The following AGAP1 variants were observed in gnomAD, a reference collection of about 807,000 sequenced individuals.
The protein encoded by AGAP1 is arf-GAP with GTPase, ANK repeat and PH domain-containing protein 1.
A neutral mutation model predicts 105.3 loss-of-function variants in AGAP1; 29 were observed. That is an observed-to-expected ratio of 0.28 (90% confidence interval 0.21 to 0.38). The LOEUF (loss-of-function observed/expected upper bound fraction) is 0.38, where lower values mean the gene tolerates loss of function less well. Ranked by LOEUF, AGAP1 falls within the 10% of genes least tolerant of loss-of-function variation. AGAP1 has a pLI of 1.00. For missense variants in AGAP1, 998 were observed against 1,165.1 expected (o/e 0.86, Z 2.09); for synonymous variants, 509 against 485.9 (o/e 1.05, Z -0.63).
chr2:235,928,447 C>G (rs925013820), intron 11 of AGAP1, among the ~76,000 whole-genome samples: 2 of 152,182 alleles, frequency 1.3e-5, no homozygotes, highest in African/African-American at 4.8e-5. Context: ...GACAACTGCT[C>G]GGGGAACGAG....
rs1222939393 is a variant in AGAP1 at position 235,959,312 on chromosome 2, A to G, written c.1484-9150A>G. Among the ~76,000 whole-genome samples, 1 of 152,168 alleles carries G rather than the reference A, an allele frequency of 6.6e-6. No individual in the cohort carries two copies. The highest frequency in any genetic ancestry group is 2.4e-5 in the African/African-American group (1 of 41,442). ...AGGCGGGGCTTTCGGGGCCTCTTCA[A>G]TTTGAGGAATACCTTGTCAGGCGAG... On this transcript the variant is annotated intron_variant, in intron 12 of 17. Coordinates refer to ENST00000304032, the MANE Select transcript of AGAP1 (RefSeq NM_001037131.3). The surrounding 1 kb of genome is among the most constrained non-coding windows in gnomAD (Gnocchi z 7.3).
At chr2:235,626,333 G>T (rs1946636033) in intron 1 of AGAP1, among the ~76,000 whole-genome samples, 1 of 152,190 alleles carries the variant, frequency 6.6e-6, no homozygotes, top group Admixed American at 6.5e-5. Context: ...ACTCCAGCCT[G>T]GGCGACAGAG....
At chr2:236,098,885 A>AGT (rs112407319) in intron 16 of AGAP1, among the ~76,000 whole-genome samples, 3,051 of 151,804 alleles carry the variant, frequency 0.02, 102 homozygotes, top group African/African-American at 0.069. Flanking sequence ...AGCCTCCCCA[A>AGT]GTGCTGGGAT....
rs2060001147 is a variant in AGAP1, at chr2:236,126,144, A to C, written c.*2022A>C. ...ATCTTAACGAAGCTAAGTGGAGCTC[A>C]CTCGTATCCAAAAGTATAACAGGTG... is the stretch of plus-strand genomic sequence containing the variant. On this transcript the variant is annotated 3_prime_UTR_variant, in exon 18 of 18. Coordinates refer to ENST00000304032, the MANE Select transcript of AGAP1 (RefSeq NM_001037131.3). 6.6e-6 allele frequency: 1 copy of C among 152,162 alleles called. No individual in the cohort carries two copies. Among genetic ancestry groups the C allele is most frequent in the African/African-American group, 2.4e-5 (1 of 41,444 alleles). 9.4% of individuals were successfully genotyped at this position (152,162 alleles called of 1,614,324 possible). A position where few individuals can be genotyped will look rare whatever the true frequency, so the allele number is the denominator to read the frequency against.
chr2:235,640,027 T>G (rs1409038886), intron 1 of AGAP1, among the ~76,000 whole-genome samples: 1 of 152,252 alleles, frequency 6.6e-6, no homozygotes, highest in Middle Eastern at 3.2e-3. Flanking sequence ...TAGCAGTCTT[T>G]AGGGCAACCT....
chr2:235,972,679 A>T (rs1464835951), intron 13 of AGAP1, among the ~76,000 whole-genome samples: 1 of 152,156 alleles, frequency 6.6e-6, no homozygotes. Flanking sequence ...CAGAGGCCAA[A>T]AGCCCTGAGA....
At position 235,747,438 on chromosome 2, in the gene AGAP1, C is replaced by A. The variant is rs1307203109; in HGVS notation, c.538+2599C>A. On this transcript the variant is annotated intron_variant, in intron 5 of 17. Transcript: ENST00000304032. The surrounding 1 kb of genome is among the most constrained non-coding windows in gnomAD (Gnocchi z 5.0). ...GTTGGGAGGTAAGTCAGCCCCACAC[C>A]CTCCCGGGGTGAACAGGTAAGCTGG... 6.6e-6 allele frequency among the ~76,000 whole-genome samples: 1 copy of A among 152,046 alleles called. No homozygotes were observed. The highest frequency in any genetic ancestry group is 1.9e-4 in the East Asian group (1 of 5,168).
intron 1 of AGAP1, among the ~76,000 whole-genome samples, chr2:235,640,275 G>A (rs1021922345): frequency 6.6e-6 from 1 of 152,174 alleles, no homozygotes; most frequent in Non-Finnish European, 1.5e-5. Context: ...CCTAGCTCTG[G>A]CTTGTTTTAC....
chr2:236,050,953 A>G lies in AGAP1; in HGVS notation c.2114+1672A>G, dbSNP rs2057877669. On this transcript the variant is annotated intron_variant, in intron 16 of 17. Coordinates refer to ENST00000304032, the MANE Select transcript of AGAP1 (RefSeq NM_001037131.3). The surrounding 1 kb of genome is among the most constrained non-coding windows in gnomAD (Gnocchi z 4.0). ...TTGTAGTTCTAATTTGCATCCTTGA[A>G]TTAAGTTCTTGAGTGCAGAGCCCTG... 6.6e-6 allele frequency among the ~76,000 whole-genome samples: 1 copy of G among 152,218 alleles called. No individual in the cohort carries two copies. Among genetic ancestry groups the G allele is most frequent in the South Asian group, 2.1e-4 (1 of 4,832 alleles).
At chr2:235,795,480 G>C (rs544780768) in intron 6 of AGAP1, among the ~76,000 whole-genome samples, 1 of 152,160 alleles carries the variant, frequency 6.6e-6, no homozygotes, top group East Asian at 1.9e-4. Context: ...TCCTCCTCCT[G>C]AAGTCAGATA....
intron 1 of AGAP1, among the ~76,000 whole-genome samples, chr2:235,706,391 AT>A (rs199550646): frequency 6.6e-4 from 99 of 151,050 alleles, no homozygotes; most frequent in African/African-American, 2.2e-3. Context: ...CGCCCGGCTA[AT>A]TTTTTTTTGT....
At chr2:235,821,097 T>C (rs944545525) in intron 9 of AGAP1, among the ~76,000 whole-genome samples, 1 of 152,202 alleles carries the variant, frequency 6.6e-6, no homozygotes, top group African/African-American at 2.4e-5. Context: ...AAAAGACCTT[T>C]AGTGTAAAAC....
At chr2:235,536,046 C>T (rs1475441758) in intron 1 of AGAP1, among the ~76,000 whole-genome samples, 2 of 151,866 alleles carry the variant, frequency 1.3e-5, no homozygotes, top group African/African-American at 2.4e-5. Context: ...CTCCTCTAGA[C>T]CCCTGAGGAG....
chr2:235,975,633 T>A (rs752008909), intron 13 of AGAP1, among the ~76,000 whole-genome samples: 11 of 152,206 alleles, frequency 7.2e-5, no homozygotes, highest in Non-Finnish European at 1.5e-4. Context: ...CCAGAAACTG[T>A]TACCTTCCAG....
chr2:235,711,352 A>G (rs1950844271), intron 2 of AGAP1, among the ~76,000 whole-genome samples: 1 of 152,218 alleles, frequency 6.6e-6, no homozygotes, highest in Non-Finnish European at 1.5e-5. Flanking sequence ...AGGTTCAGAG[A>G]GGGCCCACAT....
intron 6 of AGAP1, among the ~76,000 whole-genome samples, chr2:235,767,164 G>A (rs937355856): frequency 8.5e-5 from 13 of 152,084 alleles, no homozygotes; most frequent in African/African-American, 3.1e-4. Context: ...GCCCACCTTG[G>A]CCTCCCAAAG....
intron 1 of AGAP1, among the ~76,000 whole-genome samples, chr2:235,606,945 GAAAAAAAAAAAAA>G (rs5839603): frequency 1.6e-5 from 1 of 61,940 alleles, no homozygotes; most frequent in African/African-American, 6.1e-5. Context: ...ACTGCCTCTT[GAAAAAAAAAAAAA>G]AAAAAAAAAA....
chr2:235,540,142 TCTC>T (rs1943386751), intron 1 of AGAP1, among the ~76,000 whole-genome samples: 2 of 148,092 alleles, frequency 1.4e-5, no homozygotes, highest in Admixed American at 6.7e-5. Flanking sequence ...TCCCTCCCTC[TCTC>T]CTCTTTTTTT....
chr2:235,511,004 C>T (rs969619644), intron 1 of AGAP1, among the ~76,000 whole-genome samples: 9 of 148,006 alleles, frequency 6.1e-5, no homozygotes, highest in Non-Finnish European at 8.9e-5. Flanking sequence ...GGGCGGGGGG[C>T]GGCGGTGTAT....
Sources: allele counts gnomAD v4.1 joint callset (sites outside exome capture counted in the v4.1 genomes callset), GRCh38; gene constraint gnomAD v4.1.1; non-coding constraint Gnocchi (gnomAD v3.1); transcripts MANE v1.5; gene names NCBI Gene and HGNC (gene_info 2026-07-23, HGNC 2026-07-21).